Variants in ASMTL observed in about 807,000 individuals in gnomAD.
ASMTL encodes the protein probable bifunctional dTTP/UTP pyrophosphatase/methyltransferase protein.
ASMTL carries 57 observed loss-of-function variants against 60.3 expected under a neutral mutation model. The ratio of observed to expected loss-of-function variants is 0.95; its 90% confidence interval spans 0.76 to 1.18. The LOEUF (loss-of-function observed/expected upper bound fraction) is 1.18. Ranked by LOEUF, ASMTL falls within the 50% of genes most tolerant of loss-of-function variation. The pLI is 0.00. For synonymous variants in ASMTL, 419 were observed against 373.0 expected, an observed-to-expected ratio of 1.12 and a Z score of -1.42; for missense variants, 981 against 852.6, an observed-to-expected ratio of 1.15 and a Z score of -1.88.
intron 10 of ASMTL, 111 bp downstream of exon 10, chrX:1,418,871 G>A (rs2090391543): frequency 4.3e-6 from 6 of 1,386,240 alleles, no homozygotes; most frequent in African/African-American, 1.4e-5. Context: ...GGTTCAGGTC[G>A]TTATCAGGTT....
At chrX:1,435,431 ACACT>A in intron 4 of ASMTL, 1 of 609,910 alleles carries the variant, frequency 1.6e-6, no homozygotes. Flanking sequence ...GAAGGACAGG[ACACT>A]GCCAACTTCT....
intron 7 of ASMTL, 39 bp from the exon 8 acceptor site, chrX:1,425,726 T>C: frequency 6.3e-7 from 1 of 1,596,614 alleles, no homozygotes; most frequent in Non-Finnish European, 8.6e-7. Flanking sequence ...TTAAGTCCCT[T>C]GTCCAGTACT....
At chrX:1,406,315 A>G (rs1360127924) in intron 12 of ASMTL, among the ~76,000 whole-genome samples, 1 of 150,892 alleles carries the variant, frequency 6.6e-6, no homozygotes, top group Non-Finnish European at 1.5e-5. Flanking sequence ...GATGATGGGT[A>G]GGTAGGTAGA....
chrX:1,430,944 T>C (rs2090756502), intron 6 of ASMTL, among the ~76,000 whole-genome samples: 1 of 142,496 alleles, frequency 7.0e-6, no homozygotes, highest in African/African-American at 2.6e-5. Context: ...ATATAACTAA[T>C]ATGTATTACA....
At position 1,403,174 on chromosome X, in the gene ASMTL, C is replaced by T. The variant is rs1257379821; in HGVS notation, c.*95G>A. ...CTTTCTTTATTCAGTCACGACTACA[C>T]GCTCCTATGTGACTGTCCTATGGTA... is the stretch of plus-strand genomic sequence containing the variant. On this transcript the variant is annotated 3_prime_UTR_variant, in exon 13 of 13. Coordinates refer to ENST00000381317, the MANE Select transcript of ASMTL (RefSeq NM_004192.4). 8.2e-5 allele frequency: 82 copies of T among 1,004,100 alleles called. No homozygotes were observed. The highest frequency in any genetic ancestry group is 4.0e-4 in the East Asian group (16 of 40,184). 62.2% of individuals were successfully genotyped at this position (1,004,100 alleles called of 1,614,324 possible).
intron 11 of ASMTL, among the ~76,000 whole-genome samples, chrX:1,417,546 G>C (rs866353180): frequency 3.6e-5 from 5 of 137,054 alleles, no homozygotes; most frequent in Admixed American, 1.5e-4. Flanking sequence ...CATGCACACA[G>C]ACACACAAGC....
chrX:1,442,245 C>T lies in ASMTL; in HGVS notation c.166G>A (p.Gly56Arg). Residue 56 changes from glycine to arginine, a missense_variant, in exon 2 of 13, where the codon GGG becomes AGG. Gly to Arg is a moderately radical substitution (Grantham distance 125). Transcript: ENST00000381317. ...TGCTTGGCGGTCTCCATGGCGTACC[C>T]ATACGGAGTAGCGAAGGAGGCTTTG... ...LDKASFATPY[G>R]YAMETAKQKA... is the part of the protein sequence containing the mutation. 2.5e-6 allele frequency: 4 copies of T among 1,613,904 alleles called. No homozygotes were observed. The South Asian group carries it at 3.3e-5, about 13-fold the overall frequency.
intron 6 of ASMTL, among the ~76,000 whole-genome samples, chrX:1,430,076 G>A (rs1459771544): frequency 4.0e-5 from 6 of 151,428 alleles, no homozygotes; most frequent in African/African-American, 1.2e-4. Flanking sequence ...GTGCAGTGGC[G>A]CGATCTCGGC....
intron 11 of ASMTL, among the ~76,000 whole-genome samples, chrX:1,417,616 C>G (rs2090338995): frequency 6.6e-6 from 1 of 151,328 alleles, no homozygotes; most frequent in South Asian, 2.1e-4. Flanking sequence ...GATGCAGACA[C>G]ACACACACAG....
At chrX:1,444,677 T>C (rs1248715271) in intron 1 of ASMTL, among the ~76,000 whole-genome samples, 6 of 152,078 alleles carry the variant, frequency 3.9e-5, no homozygotes, top group African/African-American at 1.4e-4. Context: ...TCTGACCCTG[T>C]CCTTTCTCTC....
At chrX:1,430,122 C>T (rs1295658980) in intron 6 of ASMTL, among the ~76,000 whole-genome samples, 2 of 151,966 alleles carry the variant, frequency 1.3e-5, no homozygotes, top group Non-Finnish European at 2.9e-5. Flanking sequence ...TCAAGCGATT[C>T]TCCTGTCTCA....
chrX:1,432,604 T>C (rs778295468), intron 5 of ASMTL, among the ~76,000 whole-genome samples: 11 of 151,764 alleles, frequency 7.2e-5, no homozygotes, highest in African/African-American at 1.4e-4. Flanking sequence ...CCGAGGCGGG[T>C]GGATCACGAG....
At chrX:1,418,882 T>A in intron 10 of ASMTL, 100 bp downstream of exon 10, 1 of 1,467,526 alleles carries the variant, frequency 6.8e-7, no homozygotes, top group Non-Finnish European at 9.4e-7. Context: ...TTATCAGGTT[T>A]GTCAATGGAA....
chrX:1,441,892 AAC>A (rs1394888425), intron 2 of ASMTL: 66 of 378,040 alleles, frequency 1.7e-4, no homozygotes, highest in African/African-American at 1.2e-3. Flanking sequence ...AAATTATTAT[AAC>A]ACATAGTAAC....
chrX:1,450,227 G>A (rs1286708443), intron 1 of ASMTL, among the ~76,000 whole-genome samples: 1 of 151,940 alleles, frequency 6.6e-6, no homozygotes, highest in African/African-American at 2.4e-5. Flanking sequence ...TCCTCCATGT[G>A]ATTAGGGCTC....
Position 1,403,389 on chromosome X carries a change from G to GCCTT in ASMTL, c.1742_1745dup (p.Lys583ArgfsTer67). On this transcript the variant is annotated frameshift_variant, in exon 13 of 13. Coordinates refer to ENST00000381317, the MANE Select transcript of ASMTL (RefSeq NM_004192.4). LOFTEE classifies it low-confidence loss of function (END_TRUNC). ...GATACTCGCCCAGGCTCCGCTCCTTGCCTTCAGTCTGCACCAGCATGTTCA... is the reference window on the plus strand; with the variant it reads ...GATACTCGCCCAGGCTCCGCTCCTTGCCTTCCTTCAGTCTGCACCAGCATGTTCA... 1 of 1,613,446 alleles carries GCCTT rather than the reference G, an allele frequency of 6.2e-7. No homozygotes were observed. The highest frequency in any genetic ancestry group is 8.5e-7 in the Non-Finnish European group (1 of 1,179,862).
chrX:1,432,161 C>A (rs2090809025), intron 6 of ASMTL, 108 bp downstream of exon 6: 3 of 893,382 alleles, frequency 3.4e-6, no homozygotes, highest in African/African-American at 3.3e-5. Flanking sequence ...ACACGGCCCC[C>A]GGAGCGGGGC....
intron 12 of ASMTL, among the ~76,000 whole-genome samples, chrX:1,412,375 G>A (rs1379358090): frequency 3.3e-5 from 5 of 151,476 alleles, no homozygotes; most frequent in Admixed American, 6.6e-5. Context: ...TTACAGGTGC[G>A]CACTACCACA....
chrX:1,403,489 C>T lies in ASMTL; in HGVS notation c.1646G>A (p.Gly549Glu), dbSNP rs751190354. ...LSRVAESCKP[G>E]AGLLLVETLL... ...CGTCTCCACCAGCAGCAGGCCGGCCCCTGAGGGAGACAGCAGAGAGCTGGA... is the reference window on the plus strand; with the variant it reads ...CGTCTCCACCAGCAGCAGGCCGGCCTCTGAGGGAGACAGCAGAGAGCTGGA... Residue 549 changes from glycine (G) to glutamate (E), a missense_variant and splice_region_variant, in exon 13 of 13, where the codon GGG becomes GAG. By Grantham distance (98) the Gly-to-Glu change is moderately conservative (BLOSUM62 -2). Coordinates refer to ENST00000381317, the MANE Select transcript of ASMTL (RefSeq NM_004192.4). The T allele has an allele frequency of 2.5e-6, 4 of 1,612,702 alleles. No individual in the cohort carries two copies. The highest frequency in any genetic ancestry group is 1.7e-5 in the Admixed American group (1 of 60,018).
Sources: allele counts gnomAD v4.1 joint callset (sites outside exome capture counted in the v4.1 genomes callset), GRCh38; gene constraint gnomAD v4.1.1; transcripts MANE v1.5; gene names NCBI Gene and HGNC (gene_info 2026-07-23, HGNC 2026-07-21).